RASAL2: variants seen among roughly 807,000 people sequenced by gnomAD.
RASAL2 encodes ras GTPase-activating protein nGAP.
RASAL2 carries 58 observed loss-of-function variants against 128.9 expected under a neutral mutation model. That is an observed-to-expected ratio of 0.45 (90% CI 0.36 to 0.56). The LOEUF (loss-of-function observed/expected upper bound fraction) is 0.56. Ranked by LOEUF, RASAL2 falls within the 20% of genes least tolerant of loss-of-function variation. RASAL2 has a pLI of 0.00. For missense variants in RASAL2, 1,360 were observed against 1,601.6 expected (o/e 0.85, Z 2.57); for synonymous variants, 561 against 580.8 (o/e 0.97, Z 0.49).
intron 3 of RASAL2, among the ~76,000 whole-genome samples, chr1:178,376,368 C>G (rs931092297): frequency 3.9e-5 from 6 of 152,112 alleles, no homozygotes; most frequent in African/African-American, 1.2e-4. Flanking sequence ...AAATCTGTGA[C>G]TGACAGAAAC....
At chr1:178,122,224 G>C (rs1332885912) in intron 1 of RASAL2, among the ~76,000 whole-genome samples, 2 of 152,152 alleles carry the variant, frequency 1.3e-5, no homozygotes, top group Non-Finnish European at 2.9e-5. Context: ...GGTATGTTAG[G>C]TGAAATGTAA....
chr1:178,467,644 G>A lies in RASAL2; in HGVS notation c.3678+223G>A, dbSNP rs191907706. The stretch of plus-strand genomic sequence containing the variant: ...ACTCAGCAAAGTATTAGCGTGTTTA[G>A]TGCAGTTGCTTGACAAATCTCAACC... On this transcript the variant is annotated intron_variant, in intron 17 of 17. Transcript: ENST00000367649. Among the ~76,000 whole-genome samples, 26 of 152,332 alleles carry A rather than the reference G, an allele frequency of 1.7e-4. No individual in the cohort carries two copies. In the East Asian group the frequency reaches 4.8e-3, roughly 28 times the overall value.
At chr1:178,108,369 CTG>C (rs1659176648) in intron 1 of RASAL2, among the ~76,000 whole-genome samples, 1 of 152,096 alleles carries the variant, frequency 6.6e-6, no homozygotes, top group African/African-American at 2.4e-5. Flanking sequence ...ACTCTGGTAA[CTG>C]TGACAGTCAT....
At chr1:178,331,407 A>G (rs1324267548) in intron 3 of RASAL2, among the ~76,000 whole-genome samples, 2 of 152,304 alleles carry the variant, frequency 1.3e-5, no homozygotes, top group East Asian at 3.9e-4. Flanking sequence ...CCTTATAAAA[A>G]TAAATTTATT....
chr1:178,221,522 T>C (rs1663613511), intron 1 of RASAL2, among the ~76,000 whole-genome samples: 1 of 152,196 alleles, frequency 6.6e-6, no homozygotes, highest in African/African-American at 2.4e-5. Flanking sequence ...TTTGATAACA[T>C]GTACTTGAAA....
chr1:178,409,755 C>T (rs952923821), intron 4 of RASAL2, among the ~76,000 whole-genome samples: 3 of 152,142 alleles, frequency 2.0e-5, no homozygotes, highest in Non-Finnish European at 4.4e-5. Flanking sequence ...GCATAGTGAC[C>T]TGAATATGTA....
chr1:178,364,862 GAGA>G, intron 3 of RASAL2, among the ~76,000 whole-genome samples: 2 of 152,178 alleles, frequency 1.3e-5, no homozygotes, highest in Middle Eastern at 3.4e-3. Flanking sequence ...GGGTCTTTTT[GAGA>G]AGGAGTTATC....
intron 4 of RASAL2, among the ~76,000 whole-genome samples, chr1:178,409,655 A>G (rs1239285525): frequency 2.6e-5 from 4 of 152,216 alleles, no homozygotes; most frequent in Non-Finnish European, 1.5e-5. Flanking sequence ...TACCAGGGCC[A>G]TGCCTAGCTG....
chr1:178,468,674 C>G (rs141205874), intron 17 of RASAL2, among the ~76,000 whole-genome samples: 2 of 152,124 alleles, frequency 1.3e-5, no homozygotes, highest in Non-Finnish European at 2.9e-5. Context: ...CTTAGACATG[C>G]GGAGAATCAG....
At chr1:178,257,423 A>ATG (rs71108037) in intron 1 of RASAL2, among the ~76,000 whole-genome samples, 12,936 of 147,180 alleles carry the variant, frequency 0.088, 569 homozygotes, top group Admixed American at 0.12. Flanking sequence ...GCTCAGGGAT[A>ATG]TGTGTGTGTG....
At chr1:178,280,890 G>T (rs1666749111) in intron 1 of RASAL2, among the ~76,000 whole-genome samples, 1 of 151,994 alleles carries the variant, frequency 6.6e-6, no homozygotes, top group Non-Finnish European at 1.5e-5. Context: ...GGATTGGCAA[G>T]GTGAAATGGG....
At position 178,467,468 on chromosome 1, in the gene RASAL2, AT is replaced by A. The variant is rs778384877; in HGVS notation, c.3678+49del. On this transcript the variant is annotated intron_variant, in intron 17 of 17. Transcript: ENST00000367649. ...TAGAAGGCACTTGTTTATAGTAACG[AT>A]TATTTCCTGACTTCACACCCTTGCA... 13 of 1,530,276 alleles carry A rather than the reference AT, an allele frequency of 8.5e-6. No individual in the cohort carries two copies. The East Asian group carries it at 2.9e-4, about 35-fold the overall frequency. 94.8% of individuals were successfully genotyped at this position (1,530,276 alleles called of 1,614,324 possible).
At chr1:178,236,756 CT>C (rs549848632) in intron 1 of RASAL2, among the ~76,000 whole-genome samples, 1,584 of 118,244 alleles carry the variant, frequency 0.013, 10 homozygotes, top group African/African-American at 0.039. Flanking sequence ...TTGGACACTA[CT>C]TTTTTTTTTT....
intron 1 of RASAL2, among the ~76,000 whole-genome samples, chr1:178,130,678 T>A (rs908392056): frequency 1.3e-5 from 2 of 152,234 alleles, no homozygotes; most frequent in African/African-American, 4.8e-5. Context: ...ACCTCTAGAC[T>A]AAAGATTTGT....
At chr1:178,454,745 G>A (rs917876770) in intron 12 of RASAL2, 97 bp downstream of exon 12, 1 of 1,047,880 alleles carries the variant, frequency 9.5e-7, no homozygotes, top group African/African-American at 1.6e-5. Flanking sequence ...CTAATTGAAA[G>A]CAACTGTTTA....
chr1:178,445,142 G>GA (rs59313065), intron 8 of RASAL2, among the ~76,000 whole-genome samples: 10,640 of 126,058 alleles, frequency 0.084, 1,139 homozygotes, highest in African/African-American at 0.26. Flanking sequence ...ACAGTATTTG[G>GA]AAAAAAAAAA....
chr1:178,392,329 TGG>T (rs1312581479), intron 4 of RASAL2, among the ~76,000 whole-genome samples: 1 of 152,200 alleles, frequency 6.6e-6, no homozygotes, highest in East Asian at 1.9e-4. Flanking sequence ...CTCCAGGCTG[TGG>T]GAATGGCATT....
At chr1:178,191,326 T>A (rs939909763) in intron 1 of RASAL2, among the ~76,000 whole-genome samples, 3 of 151,410 alleles carry the variant, frequency 2.0e-5, no homozygotes, top group Non-Finnish European at 4.4e-5. Context: ...TTTTGTTAAA[T>A]ATAATATAAA....
At chr1:178,189,617 C>T (rs1463377758) in intron 1 of RASAL2, among the ~76,000 whole-genome samples, 3 of 152,140 alleles carry the variant, frequency 2.0e-5, no homozygotes, top group Non-Finnish European at 2.9e-5. Context: ...AATGACCTCG[C>T]AGTCTCACTG....
Sources: gnomAD v4.1 joint callset for allele counts (sites outside exome capture counted in the v4.1 genomes callset) on GRCh38, gnomAD v4.1.1 for gene constraint, MANE v1.5 for transcripts, NCBI Gene and HGNC (gene_info 2026-07-23, HGNC 2026-07-21) for gene names.